ZNF106: variants seen among roughly 807,000 people sequenced by gnomAD.
ZNF106 encodes the protein SH3-domain binding protein 3.
ZNF106 carries 67 observed loss-of-function variants against 195.1 expected under a neutral mutation model. The observed-to-expected ratio is 0.34, with a 90% confidence interval of 0.28 to 0.42. ZNF106 has a LOEUF of 0.42. ZNF106 is among the 10% of genes least tolerant of loss of function. The probability of loss-of-function intolerance (pLI) is 1.00; values close to 1 mark genes in which losing one functional copy is unlikely to be tolerated. For missense variants in ZNF106, 2,118 were observed against 2,304.5 expected (o/e 0.92, Z 1.66); for synonymous variants, 784 against 818.6 (o/e 0.96, Z 0.72).
chr15:42,457,231 T>C (rs2056259333), intron 3 of ZNF106, 73 bp from the exon 4 acceptor site: 3 of 1,610,110 alleles, frequency 1.9e-6, no homozygotes, highest in Admixed American at 1.7e-5. Context: ...TCTGTTATTG[T>C]TTCCTCTGAA....
chr15:42,474,427 G>A (rs953459903), intron 1 of ZNF106, among the ~76,000 whole-genome samples: 2 of 152,092 alleles, frequency 1.3e-5, no homozygotes, highest in Non-Finnish European at 2.9e-5. Flanking sequence ...TCCATCTTGG[G>A]TTACTAAATG....
At chr15:42,462,021 AG>A (rs1162888294) in intron 3 of ZNF106, among the ~76,000 whole-genome samples, 1 of 152,200 alleles carries the variant, frequency 6.6e-6, no homozygotes, top group Non-Finnish European at 1.5e-5. Flanking sequence ...GTTACAGGTC[AG>A]GAACACTATA....
At chr15:42,457,485 A>G (rs1480005448) in intron 3 of ZNF106, 3 of 1,185,882 alleles carry the variant, frequency 2.5e-6, no homozygotes, top group Non-Finnish European at 3.1e-6. Context: ...GGGGGCTCAG[A>G]GCAAGCAGAA....
At chr15:42,484,376 C>G (rs1466724461) in intron 1 of ZNF106, among the ~76,000 whole-genome samples, 1 of 152,160 alleles carries the variant, frequency 6.6e-6, no homozygotes, top group African/African-American at 2.4e-5. Flanking sequence ...TATAAATGCT[C>G]AGACATGACT....
At chr15:42,481,046 T>C (rs2056887798) in intron 1 of ZNF106, among the ~76,000 whole-genome samples, 1 of 152,082 alleles carries the variant, frequency 6.6e-6, no homozygotes, top group Non-Finnish European at 1.5e-5. Context: ...ATAGGCCCAT[T>C]TACCCTCACC....
chr15:42,439,773 A>T lies in ZNF106; in HGVS notation c.3804T>A (p.Thr1268=). 1 of 1,590,664 alleles carries T rather than the reference A, an allele frequency of 6.3e-7. No individual in the cohort carries two copies. The highest frequency in any genetic ancestry group is 8.5e-7 in the Non-Finnish European group (1 of 1,171,854). The part of the protein sequence containing the change: ...SDSCPVYPVI[T]ARLSLPESTE... The stretch of plus-strand genomic sequence containing the variant: ...TTGACTCTGGTAAGGACAATCTAGC[A>T]GTGATGACTGGATAAACTGGACAAC... Residue 1268 remains threonine, a synonymous_variant, in exon 11 of 22, where the codon ACT becomes ACA. Coordinates refer to ENST00000564754, the MANE Select transcript of ZNF106 (RefSeq NM_001366845.3).
rs901711468 is a variant in ZNF106 at position 42,424,264 on chromosome 15, T to C, written c.5191-204A>G. 7.5e-6 allele frequency: 4 copies of C among 530,178 alleles called. No homozygotes were observed. The Admixed American group carries it at 1.1e-4, about 14-fold the overall frequency. The allele number at this position is 530,178 out of a possible 1,614,324, so 32.8% of individuals were successfully genotyped here. On this transcript the variant is annotated intron_variant, in intron 16 of 21. Transcript: ENST00000564754. The stretch of plus-strand genomic sequence containing the variant: ...ATGCTAATGAACTGACAATGTATTA[T>C]TACGTTTGTTACCTTTCCAGAATGA...
chr15:42,443,563 TAA>T (rs1382863008), intron 9 of ZNF106, among the ~76,000 whole-genome samples: 2 of 151,984 alleles, frequency 1.3e-5, no homozygotes, highest in Non-Finnish European at 2.9e-5. Context: ...TTTATAAAAT[TAA>T]AAGTTAGAAA....
chr15:42,465,886 T>G (rs1437987446), intron 3 of ZNF106, among the ~76,000 whole-genome samples, 167 bp downstream of exon 3: 2 of 152,216 alleles, frequency 1.3e-5, no homozygotes, highest in Non-Finnish European at 2.9e-5. Flanking sequence ...GTTTATCCCT[T>G]TTGAATGCCA....
intron 20 of ZNF106, 21 bp from the exon 21 acceptor site, chr15:42,417,972 G>A: frequency 1.9e-6 from 3 of 1,606,500 alleles, no homozygotes; most frequent in Non-Finnish European, 2.6e-6. Context: ...AGAAAATGAG[G>A]AGACTCGGTG....
In ZNF106 at chr15:42,449,833, G is replaced by C. The variant is rs146188644; in HGVS notation, c.2439C>G (p.Asn813Lys). 2 of 1,614,068 alleles carry C rather than the reference G, an allele frequency of 1.2e-6. No individual in the cohort carries two copies. Among genetic ancestry groups the C allele is most frequent in the Admixed American group, 1.7e-5 (1 of 60,008 alleles). ...QILNASRRNV[N>K]WEQVIQQVTK... is the part of the protein sequence containing the mutation. ...TTACTTGCTGAATGACCTGTTCCCA[G>C]TTGACATTTCTCCGAGATGCATTTA... Residue 813 changes from asparagine to lysine, a missense_variant, in exon 5 of 22, where the codon AAC (asparagine) becomes AAG (lysine). By Grantham distance (94) the Asn-to-Lys change is moderately conservative. Coordinates refer to ENST00000564754, the MANE Select transcript of ZNF106 (RefSeq NM_001366845.3).
At chr15:42,482,809 G>GT (rs935573730) in intron 1 of ZNF106, among the ~76,000 whole-genome samples, 1 of 152,080 alleles carries the variant, frequency 6.6e-6, no homozygotes, top group African/African-American at 2.4e-5. Context: ...GATTACAGGC[G>GT]TGAGCCACCG....
rs774616505 is a variant in ZNF106, at chr15:42,450,577, T to C, written c.1695A>G (p.Leu565=). The C allele has an allele frequency of 5.0e-6, 8 of 1,614,220 alleles. No homozygotes were observed. Among genetic ancestry groups the C allele is most frequent in the Non-Finnish European group, 6.8e-6 (8 of 1,180,040 alleles). Residue 565 remains leucine, a synonymous_variant, in exon 5 of 22, where the codon CTA becomes CTG. Coordinates refer to ENST00000564754, the MANE Select transcript of ZNF106 (RefSeq NM_001366845.3). ...NDTLRKAKEV[L]QCHESLQNPL... ...GATTTTGCAATGACTCATGACACTG[T>C]AGCACCTCTTTGGCCTTTCGTAAAG... is the stretch of plus-strand genomic sequence containing the variant.
chr15:42,447,963 G>A (rs1006495815), intron 6 of ZNF106, 109 bp downstream of exon 6: 9 of 1,263,966 alleles, frequency 7.1e-6, no homozygotes, highest in Non-Finnish European at 9.8e-6. Context: ...TCTAGAAGTT[G>A]AGAGAATCAC....
At chr15:42,485,449 A>G (rs1395072515) in intron 1 of ZNF106, among the ~76,000 whole-genome samples, 2 of 152,234 alleles carry the variant, frequency 1.3e-5, no homozygotes, top group African/African-American at 4.8e-5. Context: ...GCCACTGTCC[A>G]TGAAGACTTC....
At chr15:42,485,459 C>T (rs1047165322) in intron 1 of ZNF106, among the ~76,000 whole-genome samples, 5 of 152,116 alleles carry the variant, frequency 3.3e-5, no homozygotes, top group Non-Finnish European at 7.4e-5. Flanking sequence ...ATGAAGACTT[C>T]GTATGTTCTC....
At chr15:42,434,010 A>C (rs2141297188) in intron 14 of ZNF106, among the ~76,000 whole-genome samples, 1 of 152,226 alleles carries the variant, frequency 6.6e-6, no homozygotes, top group Middle Eastern at 3.4e-3. Flanking sequence ...CACCACACCC[A>C]GCTGATTTTT....
chr15:42,422,095 A>T, intron 18 of ZNF106, 107 bp from the exon 19 acceptor site: 1 of 818,214 alleles, frequency 1.2e-6, no homozygotes, highest in Non-Finnish European at 1.8e-6. Flanking sequence ...TGAGGCGCCA[A>T]GTGGAAGCAC....
At chr15:42,486,412 A>G (rs1391498971) in intron 1 of ZNF106, among the ~76,000 whole-genome samples, 3 of 152,042 alleles carry the variant, frequency 2.0e-5, no homozygotes, top group Admixed American at 6.6e-5. Flanking sequence ...GGTATACGCT[A>G]CTATACTTGG....
Sources: allele counts gnomAD v4.1 joint callset (sites outside exome capture counted in the v4.1 genomes callset), GRCh38; gene constraint gnomAD v4.1.1; transcripts MANE v1.5; gene names NCBI Gene and HGNC (gene_info 2026-07-23, HGNC 2026-07-21).